SPATA16: variants seen among roughly 807,000 people sequenced by gnomAD.
SPATA16 encodes the protein spermatogenesis associated 16.
In SPATA16, 36 loss-of-function variants were observed where a neutral mutation model predicts 63.3. The ratio of observed to expected loss-of-function variants is 0.57; its 90% CI spans 0.44 to 0.75. The LOEUF (loss-of-function observed/expected upper bound fraction) is 0.75, where lower values mean the gene tolerates loss of function less well. SPATA16 is among the 30% of genes least tolerant of loss of function. SPATA16 has a pLI of 0.00. For missense variants in SPATA16, 646 were observed against 679.3 expected, an observed-to-expected ratio of 0.95 and a Z score of 0.54; for synonymous variants, 203 against 216.7, an observed-to-expected ratio of 0.94 and a Z score of 0.56.
chr3:172,915,529 G>T (rs766135143), intron 9 of SPATA16, among the ~76,000 whole-genome samples: 2 of 151,630 alleles, frequency 1.3e-5, no homozygotes, highest in Non-Finnish European at 2.9e-5. Flanking sequence ...TAAGTAAAGG[G>T]CCTTTCCCTA....
intron 2 of SPATA16, among the ~76,000 whole-genome samples, chr3:173,100,193 T>G (rs1737456266): frequency 6.6e-6 from 1 of 152,198 alleles, no homozygotes; most frequent in South Asian, 2.1e-4. Context: ...GTGTCAGCAG[T>G]GGTCTCCTGT....
rs60404306 is a variant in SPATA16 at position 172,952,938 on chromosome 3, C to CAA, written c.1081+3737_1081+3738dup. ...CTGGCAATAGAGTGAGACTCCATCT[C>CAA]AAAAAAAAAAAAAAAAAAAAAAGAA... On this transcript the variant is annotated intron_variant, in intron 6 of 10. Transcript: ENST00000351008. Among the ~76,000 whole-genome samples the CAA allele has an allele frequency of 4.5e-3, 345 of 77,312 alleles. 1 individual carries two copies. Among genetic ancestry groups the CAA allele is most frequent in the African/African-American group, 7.3e-3 (154 of 21,210 alleles). The allele number at this position is 77,312 out of a possible 152,430, so 50.7% of individuals were successfully genotyped here.
chr3:172,898,109 G>C (rs1732046078), intron 10 of SPATA16, among the ~76,000 whole-genome samples: 1 of 151,876 alleles, frequency 6.6e-6, no homozygotes. Context: ...ATTCCACTTA[G>C]TTATGGTATA....
At chr3:173,123,906 G>T (rs1738156851) in intron 1 of SPATA16, among the ~76,000 whole-genome samples, 1 of 151,376 alleles carries the variant, frequency 6.6e-6, no homozygotes, top group Non-Finnish European at 1.5e-5. Context: ...TTCCGGCCTG[G>T]TATTAGATTT....
chr3:173,007,614 T>C (rs1368767974), intron 4 of SPATA16, among the ~76,000 whole-genome samples: 1 of 152,214 alleles, frequency 6.6e-6, no homozygotes. Flanking sequence ...GATAAGAACA[T>C]TTTAGAATAC....
At chr3:173,106,932 T>A (rs186567732) in intron 2 of SPATA16, among the ~76,000 whole-genome samples, 60 of 152,280 alleles carry the variant, frequency 3.9e-4, no homozygotes, top group African/African-American at 1.4e-3. Context: ...AACCCACTGG[T>A]TGGTTGTGAG....
intron 3 of SPATA16, among the ~76,000 whole-genome samples, chr3:173,024,335 G>A (rs1311562543): frequency 6.6e-6 from 1 of 151,400 alleles, no homozygotes; most frequent in African/African-American, 2.4e-5. Context: ...TAAGTAGGGT[G>A]ATCTAAGAGT....
chr3:172,913,860 A>G (rs921016623), intron 9 of SPATA16, 116 bp from the exon 10 acceptor site: 3 of 895,126 alleles, frequency 3.4e-6, no homozygotes, highest in South Asian at 2.9e-5. Flanking sequence ...TTTATTACTC[A>G]TCTTTCCTAC....
At chr3:173,097,802 A>C (rs993930655) in intron 2 of SPATA16, among the ~76,000 whole-genome samples, 2 of 152,206 alleles carry the variant, frequency 1.3e-5, no homozygotes, top group Non-Finnish European at 2.9e-5. Flanking sequence ...GAGTTGAAAA[A>C]GTTTATTAAA....
intron 4 of SPATA16, among the ~76,000 whole-genome samples, chr3:172,978,650 G>T (rs1430854458): frequency 6.6e-6 from 1 of 152,264 alleles, no homozygotes; most frequent in East Asian, 1.9e-4. Context: ...TTACAAATAT[G>T]GTTCAACAAA....
intron 1 of SPATA16, among the ~76,000 whole-genome samples, chr3:173,139,200 A>C (rs1031468101): frequency 6.6e-6 from 1 of 152,174 alleles, no homozygotes; most frequent in South Asian, 2.1e-4. Flanking sequence ...CATTTTTGTT[A>C]TTGCTGTTAT....
At chr3:172,903,957 C>T (rs994223767) in intron 10 of SPATA16, among the ~76,000 whole-genome samples, 12 of 152,302 alleles carry the variant, frequency 7.9e-5, no homozygotes, top group African/African-American at 2.9e-4. Context: ...GTTCTTTGTG[C>T]CATTGACTTG....
At chr3:172,943,740 A>T (rs1421238573) in intron 6 of SPATA16, among the ~76,000 whole-genome samples, 1 of 152,162 alleles carries the variant, frequency 6.6e-6, no homozygotes, top group Non-Finnish European at 1.5e-5. Context: ...ACTCCATCTT[A>T]AAAACAAAAA....
At chr3:172,965,379 A>G (rs930874475) in intron 5 of SPATA16, among the ~76,000 whole-genome samples, 1 of 152,214 alleles carries the variant, frequency 6.6e-6, no homozygotes, top group Non-Finnish European at 1.5e-5. Flanking sequence ...TTCAGAGGGC[A>G]GAAGTGGAAT....
intron 5 of SPATA16, among the ~76,000 whole-genome samples, chr3:172,971,136 C>G (rs1469884021): frequency 1.3e-5 from 2 of 152,116 alleles, no homozygotes; most frequent in African/African-American, 4.8e-5. Flanking sequence ...CTTGGAACTT[C>G]CATGAAGACA....
intron 5 of SPATA16, among the ~76,000 whole-genome samples, chr3:172,957,882 TG>T (rs1733638274): frequency 6.6e-6 from 1 of 152,220 alleles, no homozygotes; most frequent in Admixed American, 6.5e-5. Context: ...GTTCATTGCT[TG>T]CTTCATTTCT....
At position 173,100,701 on chromosome 3, in the gene SPATA16, C is replaced by G. The variant is rs1163136038; in HGVS notation, c.612+16419G>C. Among the ~76,000 whole-genome samples, 168 of 113,636 alleles carry G rather than the reference C, an allele frequency of 1.5e-3. 1 individual carries two copies. The highest frequency in any genetic ancestry group is 5.5e-3 in the African/African-American group (152 of 27,416). 74.5% of individuals were successfully genotyped at this position (113,636 alleles called of 152,430 possible). On this transcript the variant is annotated intron_variant, in intron 2 of 10. Coordinates refer to ENST00000351008, the MANE Select transcript of SPATA16 (RefSeq NM_031955.6). The stretch of plus-strand genomic sequence containing the variant: ...ACACACACACACACACACACACACA[C>G]ACACACAGAGTAAATTCTTGTTTAT...
intron 2 of SPATA16, among the ~76,000 whole-genome samples, chr3:173,115,004 T>C (rs953579826): frequency 4.6e-5 from 7 of 152,216 alleles, no homozygotes; most frequent in Non-Finnish European, 1.5e-5. Flanking sequence ...AAAATAATTA[T>C]TTTTGTTAAT....
At chr3:172,900,741 A>G (rs1039939430) in intron 10 of SPATA16, among the ~76,000 whole-genome samples, 1 of 152,040 alleles carries the variant, frequency 6.6e-6, no homozygotes, top group African/African-American at 2.4e-5. Context: ...CCCGGATTCA[A>G]GTGATTCTCC....
Sources: allele counts gnomAD v4.1 joint callset (sites outside exome capture counted in the v4.1 genomes callset), GRCh38; gene constraint gnomAD v4.1.1; transcripts MANE v1.5; gene names NCBI Gene and HGNC (gene_info 2026-07-23, HGNC 2026-07-21).